Variants in TUSC3 observed in about 807,000 individuals in gnomAD.
TUSC3 encodes the protein dolichyl-diphosphooligosaccharide--protein glycosyltransferase subunit TUSC3.
A neutral mutation model predicts 44.8 loss-of-function variants in TUSC3; 45 were observed. That is an observed-to-expected ratio of 1.00 (90% CI 0.79 to 1.29). The LOEUF is 1.29. Ranked by LOEUF, TUSC3 falls within the 50% of genes most tolerant of loss-of-function variation. TUSC3 has a pLI of 0.00. For synonymous variants in TUSC3, 212 were observed against 152.9 expected, an observed-to-expected ratio of 1.39 and a Z score of -2.85; for missense variants, 519 against 437.9, an observed-to-expected ratio of 1.19 and a Z score of -1.65.
intron 3 of TUSC3, among the ~76,000 whole-genome samples, chr8:15,651,252 A>G (rs1443995903): frequency 6.6e-6 from 1 of 152,210 alleles, no homozygotes; most frequent in Non-Finnish European, 1.5e-5. Context: ...GTGGTAGTGT[A>G]TTATAGATAG....
At chr8:15,748,944 A>T in intron 9 of TUSC3, 1 of 356,468 alleles carries the variant, frequency 2.8e-6, no homozygotes. Context: ...CATCATAACG[A>T]GTATCTCATA....
Position 15,723,283 on chromosome 8 carries a change from T to G in TUSC3, c.799-7383T>G, listed in dbSNP as rs1810376163. Reference sequence around the variant, plus strand: ...CTAAACGATGTCCTGCAACTTCCAGTGAAAAGAGAATGGTGGCTTATTGCT... The same window carrying G: ...CTAAACGATGTCCTGCAACTTCCAGGGAAAAGAGAATGGTGGCTTATTGCT... On this transcript the variant is annotated intron_variant, in intron 6 of 10. Coordinates refer to ENST00000503731, the MANE Select transcript of TUSC3 (RefSeq NM_006765.4). 2.0e-5 allele frequency among the ~76,000 whole-genome samples: 3 copies of G among 152,164 alleles called. No individual in the cohort carries two copies. The South Asian group carries it at 6.2e-4, about 32-fold the overall frequency.
chr8:15,582,007 T>C (rs7005994), intron 1 of TUSC3, among the ~76,000 whole-genome samples: 65,614 of 150,802 alleles, frequency 0.44, 15,232 homozygotes, highest in East Asian at 0.63. Flanking sequence ...GATATAATCT[T>C]GTGGTGCGCC....
chr8:15,789,528 A>G, the TUSC3 span, among the ~76,000 whole-genome samples: 1 of 152,224 alleles, frequency 6.6e-6, no homozygotes, highest in East Asian at 1.9e-4. Context: ...TAATGAAGCC[A>G]TGAAATCTTA....
chr8:15,666,646 A>G (rs929104268), intron 5 of TUSC3, among the ~76,000 whole-genome samples: 1 of 151,448 alleles, frequency 6.6e-6, no homozygotes, highest in Non-Finnish European at 1.5e-5. Flanking sequence ...CATTTATTTG[A>G]ATAAAATTAT....
chr8:15,639,995 G>A (rs761954729), intron 2 of TUSC3, among the ~76,000 whole-genome samples: 24 of 152,272 alleles, frequency 1.6e-4, no homozygotes, highest in Middle Eastern at 3.4e-3. Context: ...GATTGTTATC[G>A]TTAGAAAGGG....
the TUSC3 span, among the ~76,000 whole-genome samples, chr8:15,803,796 G>T: frequency 1.3e-5 from 2 of 152,032 alleles, no homozygotes; most frequent in African/African-American, 2.4e-5. Context: ...GAGAACATGG[G>T]GTGTTTGGTT....
At chr8:15,645,634 G>A (rs183417379) in intron 2 of TUSC3, among the ~76,000 whole-genome samples, 1 of 151,980 alleles carries the variant, frequency 6.6e-6, no homozygotes, top group African/African-American at 2.4e-5. Context: ...TGAAAATGTT[G>A]AGTATAAATT....
chr8:15,569,789 G>A (rs1295884776), intron 1 of TUSC3, among the ~76,000 whole-genome samples: 1 of 151,974 alleles, frequency 6.6e-6, no homozygotes, highest in Non-Finnish European at 1.5e-5. Flanking sequence ...TTTCTTCCTT[G>A]TCTGTTTGTA....
chr8:15,673,787 A>T lies in TUSC3; in HGVS notation c.749A>T (p.His250Leu). 6.2e-7 allele frequency: 1 copy of T among 1,612,886 alleles called. No individual in the cohort carries two copies. The highest frequency in any genetic ancestry group is 1.1e-5 in the South Asian group (1 of 91,054). ...ATGACTTCTGGCCAGATGTGGAACC[A>T]TATCCGTGGACCTCCATATGCTCAT... is the stretch of plus-strand genomic sequence containing the variant. ...FAMTSGQMWN[H>L]IRGPPYAHKN... Residue 250 changes from histidine (H) to leucine (L), a missense_variant, in exon 6 of 11, where the codon CAT (histidine) becomes CTT (leucine). By Grantham distance (99) the His-to-Leu change is moderately conservative (BLOSUM62 -3). Transcript: ENST00000503731.
intron 9 of TUSC3, among the ~76,000 whole-genome samples, chr8:15,757,329 G>A (rs1429134986): frequency 6.6e-6 from 1 of 152,104 alleles, no homozygotes; most frequent in African/African-American, 2.4e-5. Context: ...ATTCAGTAAG[G>A]AAATGTACAG....
intron 6 of TUSC3, among the ~76,000 whole-genome samples, chr8:15,711,745 A>G (rs1809861873): frequency 6.6e-6 from 1 of 151,868 alleles, no homozygotes; most frequent in African/African-American, 2.4e-5. Flanking sequence ...TATATCCATA[A>G]AGATAATGCT....
chr8:15,439,069 T>G (rs748469082), intron 1 of TUSC3, among the ~76,000 whole-genome samples: 9 of 152,172 alleles, frequency 5.9e-5, no homozygotes, highest in Non-Finnish European at 1.2e-4. Flanking sequence ...GACGGCACTG[T>G]GACCTTAGTC....
At chr8:15,792,807 CAG>C in the TUSC3 span, among the ~76,000 whole-genome samples, 1 of 151,826 alleles carries the variant, frequency 6.6e-6, no homozygotes, top group Non-Finnish European at 1.5e-5. Flanking sequence ...TTAGTAGAAA[CAG>C]GGTTTTGCCA....
At chr8:15,456,531 A>C (rs1018315969) in intron 1 of TUSC3, among the ~76,000 whole-genome samples, 1 of 152,192 alleles carries the variant, frequency 6.6e-6, no homozygotes, top group Non-Finnish European at 1.5e-5. Flanking sequence ...AAGTTAAACT[A>C]ATTAATAAAG....
intron 1 of TUSC3, among the ~76,000 whole-genome samples, chr8:15,562,200 G>A (rs1175453315): frequency 6.6e-6 from 1 of 152,124 alleles, no homozygotes; most frequent in Non-Finnish European, 1.5e-5. Flanking sequence ...GCGTGAGGTT[G>A]AGTACTGTAG....
chr8:15,758,377 T>TTA (rs1197405556), intron 10 of TUSC3: 3 of 333,702 alleles, frequency 9.0e-6, no homozygotes, highest in Admixed American at 6.6e-5. Context: ...ACTGTCAATT[T>TTA]TATATATATA....
chr8:15,551,083 T>C (rs186835327), intron 1 of TUSC3, among the ~76,000 whole-genome samples: 6 of 151,938 alleles, frequency 3.9e-5, no homozygotes, highest in Non-Finnish European at 5.9e-5. Flanking sequence ...GAGCAGCAGT[T>C]GTCCTCAAAT....
At chr8:15,610,910 CAT>C (rs1804735440) in intron 1 of TUSC3, among the ~76,000 whole-genome samples, 1 of 152,076 alleles carries the variant, frequency 6.6e-6, no homozygotes, top group African/African-American at 2.4e-5. Context: ...TTGATAGACA[CAT>C]AACTAAAAGA....
Sources: gnomAD v4.1 joint callset for allele counts (sites outside exome capture counted in the v4.1 genomes callset) on GRCh38, gnomAD v4.1.1 for gene constraint, MANE v1.5 for transcripts, NCBI Gene and HGNC (gene_info 2026-07-23, HGNC 2026-07-21) for gene names.